Variants in REDIC1 observed in about 807,000 individuals in gnomAD.
REDIC1 encodes HEI10 Interacting Protein 1.
the REDIC1 span, among the ~76,000 whole-genome samples, chr12:39,700,642 A>T: frequency 6.6e-6 from 1 of 152,102 alleles, no homozygotes; most frequent in Non-Finnish European, 1.5e-5. Context: ...TGTCAGATTC[A>T]CCAAAGTTGA....
the REDIC1 span, among the ~76,000 whole-genome samples, chr12:39,714,084 C>CGTATGTGTACGTGTATATGT: frequency 3.5e-5 from 2 of 56,610 alleles, no homozygotes; most frequent in Non-Finnish European, 7.7e-5. Context: ...TGTATATACA[C>CGTATGTGTACGTGTATATGT]ATATATGTAC....
At chr12:39,751,140 A>G in the REDIC1 span, among the ~76,000 whole-genome samples, 1 of 152,242 alleles carries the variant, frequency 6.6e-6, no homozygotes, top group Non-Finnish European at 1.5e-5. Flanking sequence ...ACAGAATGGG[A>G]GAACATTTTT....
At chr12:39,793,518 C>G in the REDIC1 span, among the ~76,000 whole-genome samples, 3 of 152,132 alleles carry the variant, frequency 2.0e-5, no homozygotes, top group South Asian at 4.1e-4. Flanking sequence ...CCCATCTTAG[C>G]CTCCTGAGTG....
the REDIC1 span, among the ~76,000 whole-genome samples, chr12:39,807,743 A>G: frequency 6.6e-6 from 1 of 152,152 alleles, no homozygotes; most frequent in Non-Finnish European, 1.5e-5. Flanking sequence ...CCTTTCAATT[A>G]TAATAATTAT....
the REDIC1 span, among the ~76,000 whole-genome samples, chr12:39,717,477 C>T: frequency 6.6e-6 from 1 of 151,882 alleles, no homozygotes; most frequent in Non-Finnish European, 1.5e-5. Flanking sequence ...TCATCATAAT[C>T]CTCATCATCT....
At chr12:39,659,241 A>G in the REDIC1 span, among the ~76,000 whole-genome samples, 2 of 151,760 alleles carry the variant, frequency 1.3e-5, no homozygotes, top group East Asian at 1.9e-4. Flanking sequence ...TTCTGTCATG[A>G]TTTTTTAAAC....
chr12:39,893,937 A>G, the REDIC1 span, among the ~76,000 whole-genome samples: 1 of 152,250 alleles, frequency 6.6e-6, no homozygotes, highest in Non-Finnish European at 1.5e-5. Context: ...AACTTTCACA[A>G]TTAACGTGTT....
the REDIC1 span, among the ~76,000 whole-genome samples, chr12:39,801,013 G>A: frequency 5.2e-5 from 1 of 19,094 alleles, no homozygotes; most frequent in Non-Finnish European, 1.1e-4. Context: ...ACCAAACACC[G>A]CATATTCTCA....
chr12:39,760,197 G>A, the REDIC1 span: 6 of 1,612,816 alleles, frequency 3.7e-6, no homozygotes, highest in Non-Finnish European at 5.1e-6. Flanking sequence ...CAGGAAGACA[G>A]CCATAGATGA....
At chr12:39,754,537 C>T in the REDIC1 span, among the ~76,000 whole-genome samples, 8 of 152,114 alleles carry the variant, frequency 5.3e-5, no homozygotes, top group African/African-American at 1.4e-4. Context: ...ATTATGGACA[C>T]GTGTCTAGCA....
the REDIC1 span, among the ~76,000 whole-genome samples, chr12:39,713,410 A>G: frequency 2.1e-4 from 2 of 9,404 alleles, no homozygotes; most frequent in South Asian, 2.4e-3. Flanking sequence ...ACGTATGTAT[A>G]CACATATACA....
At chr12:39,867,243 GAT>G in the REDIC1 span, among the ~76,000 whole-genome samples, 1 of 152,054 alleles carries the variant, frequency 6.6e-6, no homozygotes, top group East Asian at 1.9e-4. Flanking sequence ...AGGAAACTTT[GAT>G]ATATTAAGAT....
At chr12:39,785,053 T>G in the REDIC1 span, among the ~76,000 whole-genome samples, 1 of 152,150 alleles carries the variant, frequency 6.6e-6, no homozygotes, top group Non-Finnish European at 1.5e-5. Flanking sequence ...AAAAACCCAT[T>G]TTCTGGGGAG....
At chr12:39,855,778 T>C in the REDIC1 span, among the ~76,000 whole-genome samples, 1 of 152,232 alleles carries the variant, frequency 6.6e-6, no homozygotes, top group African/African-American at 2.4e-5. Flanking sequence ...GATACATTAT[T>C]TCATTGTTCT....
At chr12:39,661,373 G>A in the REDIC1 span, among the ~76,000 whole-genome samples, 6 of 152,010 alleles carry the variant, frequency 3.9e-5, no homozygotes, top group East Asian at 3.9e-4. Flanking sequence ...ATACCTTATC[G>A]TGATTTTGAT....
the REDIC1 span, among the ~76,000 whole-genome samples, chr12:39,730,526 T>A: frequency 6.6e-6 from 1 of 152,222 alleles, no homozygotes; most frequent in Non-Finnish European, 1.5e-5. Flanking sequence ...CAGAGAGATC[T>A]GCTGTTAGTC....
chr12:39,721,292 C>A, the REDIC1 span: 1 of 1,512,384 alleles, frequency 6.6e-7, no homozygotes, highest in Non-Finnish European at 9.0e-7. Flanking sequence ...TTTCACTTGC[C>A]CTTAGAAAAC....
At chr12:39,717,940 C>A in the REDIC1 span, among the ~76,000 whole-genome samples, 1 of 151,806 alleles carries the variant, frequency 6.6e-6, no homozygotes, top group Non-Finnish European at 1.5e-5. Flanking sequence ...ATTTTTCTAA[C>A]CTCCATATCT....
At chr12:39,834,134 G>C in the REDIC1 span, among the ~76,000 whole-genome samples, 1 of 152,092 alleles carries the variant, frequency 6.6e-6, no homozygotes, top group Non-Finnish European at 1.5e-5. Context: ...ATGCCTGAAG[G>C]CTGTGTCACA....
Sources: allele counts gnomAD v4.1 joint callset (sites outside exome capture counted in the v4.1 genomes callset), GRCh38; gene constraint gnomAD v4.1.1; transcripts MANE v1.5; gene names NCBI Gene and HGNC (gene_info 2026-07-23, HGNC 2026-07-21).